The following PPP1R13L variants were observed in gnomAD, a reference collection of about 807,000 sequenced individuals.
PPP1R13L encodes the protein relA-associated inhibitor.
Under a neutral mutation model 80.9 loss-of-function variants are expected in PPP1R13L, and 50 were observed. That is an observed-to-expected ratio of 0.62 (90% confidence interval 0.49 to 0.78). The LOEUF (loss-of-function observed/expected upper bound fraction) is 0.78, where lower values mean the gene tolerates loss of function less well. PPP1R13L is among the 30% of genes least tolerant of loss of function. The pLI is 0.00. For missense variants in PPP1R13L, 1,200 were observed against 1,205.9 expected, an observed-to-expected ratio of 1.00 and a Z score of 0.07; for synonymous variants, 602 against 534.3, an observed-to-expected ratio of 1.13 and a Z score of -1.75.
chr19:45,385,655 T>C lies in PPP1R13L; in HGVS notation c.2155A>G (p.Ile719Val). The C allele has an allele frequency of 6.2e-7, 1 of 1,613,192 alleles. No homozygotes were observed. The highest frequency in any genetic ancestry group is 8.5e-7 in the Non-Finnish European group (1 of 1,179,908). ...CMALVQHGAA[I>V]FATTLSDGAT... The stretch of plus-strand genomic sequence containing the variant: ...CCGTCGCTGAGCGTGGTGGCGAAGA[T>C]TGCAGCGCCGTGCTGCACCAGCGCC... The change falls in exon 11 of 13, where the codon ATC (isoleucine) becomes GTC (valine). Residue 719 changes from isoleucine to valine, a missense_variant. Physicochemically the swap from Ile to Val is conservative, Grantham distance 29. This residue lies in a region of PPP1R13L where 165 missense variants were observed against 177.1 expected (regional missense o/e 0.93). Coordinates refer to ENST00000360957, the MANE Select transcript of PPP1R13L (RefSeq NM_006663.4).
chr19:45,396,608 C>A lies in PPP1R13L; in HGVS notation c.649G>T (p.Ala217Ser). Residue 217 changes from alanine to serine, a missense_variant, in exon 4 of 13, where the codon GCC (alanine) becomes TCC (serine). This residue lies in a region of PPP1R13L where 764 missense variants were observed against 714.5 expected (regional missense o/e 1.07). Transcript: ENST00000360957. This position sits in a 1 kb window ranked among gnomAD's most constrained non-coding sequence, Gnocchi z 5.3. ...GAGCCTAGCAGGGAGCTCCCGAAGG[C>A]GGACGCTGGCGCGTCGTAGGCTGTG... is the stretch of plus-strand genomic sequence containing the variant. The part of the protein sequence containing the change: ...PATAYDAPAS[A>S]FGSSLLGSGG... The A allele has an allele frequency of 6.7e-7, 1 of 1,493,984 alleles. No individual in the cohort carries two copies. The highest frequency in any genetic ancestry group is 2.3e-5 in the East Asian group (1 of 43,492). 92.5% of individuals were successfully genotyped at this position (1,493,984 alleles called of 1,614,324 possible).
At chr19:45,404,342 C>G (rs1228360459) in intron 1 of PPP1R13L, among the ~76,000 whole-genome samples, 3 of 152,210 alleles carry the variant, frequency 2.0e-5, no homozygotes, top group Non-Finnish European at 4.4e-5. Context: ...GGGCGGATGT[C>G]CCTTCTCTGG....
chr19:45,391,181 G>C (rs1281393647), intron 8 of PPP1R13L, among the ~76,000 whole-genome samples: 1 of 141,886 alleles, frequency 7.0e-6, no homozygotes, highest in Non-Finnish European at 1.5e-5. Flanking sequence ...CTGAGTGATG[G>C]AGCAAGACTC....
intron 1 of PPP1R13L, among the ~76,000 whole-genome samples, chr19:45,402,704 C>T (rs192410979): frequency 1.2e-4 from 19 of 152,344 alleles, no homozygotes; most frequent in Non-Finnish European, 2.5e-4. Flanking sequence ...TCCGAGTCCT[C>T]TCCCATGTGC....
intron 1 of PPP1R13L, among the ~76,000 whole-genome samples, chr19:45,400,766 T>TAAAAACA (rs1474568810): frequency 1.0e-3 from 36 of 34,974 alleles, no homozygotes; most frequent in African/African-American, 5.8e-3. Flanking sequence ...GCTAATTTTT[T>TAAAAACA]TTTTTTTTTT....
chr19:45,391,943 TG>T lies in PPP1R13L; in HGVS notation c.1751del (p.Pro584HisfsTer53). On this transcript the variant is annotated frameshift_variant, in exon 8 of 13. Coordinates refer to ENST00000360957, the MANE Select transcript of PPP1R13L (RefSeq NM_006663.4). LOFTEE classifies it high-confidence loss of function. The part of the protein sequence containing the change: ...EARAGPPAPA[P>X]PAPIPPPAPS... The stretch of plus-strand genomic sequence containing the variant: ...GGGCCGGGGGTGGAATGGGAGCTGG[TG>T]GGGCAGGAGCAGGGGGCCCTGCCCT... The T allele has an allele frequency of 6.6e-7, 1 of 1,504,232 alleles. No homozygotes were observed. The highest frequency in any genetic ancestry group is 8.9e-7 in the Non-Finnish European group (1 of 1,128,982). 93.2% of individuals were successfully genotyped at this position (1,504,232 alleles called of 1,614,324 possible).
At chr19:45,390,876 G>A (rs34768259) in intron 8 of PPP1R13L, among the ~76,000 whole-genome samples, 5,788 of 152,102 alleles carry the variant, frequency 0.038, 327 homozygotes, top group African/African-American at 0.12. Context: ...GAGCCACCGC[G>A]CCCGGCCGAG....
In PPP1R13L at chr19:45,397,811, C is replaced by T. The variant is rs77363466; in HGVS notation, c.198+194G>A. Among the ~76,000 whole-genome samples the T allele has an allele frequency of 0.021, 3,245 of 152,188 alleles. 106 individuals carry two copies. Among genetic ancestry groups the T allele is most frequent in the African/African-American group, 0.063 (2,614 of 41,524 alleles). ...CAAACTCTTAGTCTCAAGCAATTCT[C>T]TCACCTCGCCTTCCAAAGTGCTGGG... On this transcript the variant is annotated intron_variant, in intron 3 of 12. Transcript: ENST00000360957.
intron 8 of PPP1R13L, among the ~76,000 whole-genome samples, chr19:45,389,491 G>A (rs192775054): frequency 6.6e-6 from 1 of 152,242 alleles, no homozygotes; most frequent in East Asian, 1.9e-4. Context: ...TATGTGCCAG[G>A]TATTATGCTA....
rs1315306320 is a variant in PPP1R13L, at chr19:45,400,870, G to A, written c.-21-2531C>T. Among the ~76,000 whole-genome samples, 19 of 55,138 alleles carry A rather than the reference G, an allele frequency of 3.4e-4. 6 individuals are homozygous for A. Among genetic ancestry groups the A allele is most frequent in the African/African-American group, 3.1e-3 (18 of 5,752 alleles). The allele number at this position is 55,138 out of a possible 152,430, so 36.2% of individuals were successfully genotyped here. The stretch of plus-strand genomic sequence containing the variant: ...CGGCTCACTGCAAGCTCCGCCTCCC[G>A]GGTTCACGCCATTCTCCCGCCTCAG... On this transcript the variant is annotated intron_variant, in intron 1 of 12. Coordinates refer to ENST00000360957, the MANE Select transcript of PPP1R13L (RefSeq NM_006663.4).
chr19:45,384,737 C>G (rs1239863593), intron 11 of PPP1R13L, among the ~76,000 whole-genome samples: 3 of 151,462 alleles, frequency 2.0e-5, no homozygotes, highest in African/African-American at 7.3e-5. Flanking sequence ...ACCTGTAGTC[C>G]CAGCTACTCA....
chr19:45,395,407 G>C (rs1223886894), intron 7 of PPP1R13L, 29 bp downstream of exon 7: 1 of 1,567,386 alleles, frequency 6.4e-7, no homozygotes, highest in African/African-American at 1.4e-5. Flanking sequence ...CCTTCACCCA[G>C]TCCTCTAGGG....
In PPP1R13L at chr19:45,382,996, CT is replaced by C. The variant is rs60366714; in HGVS notation, c.2249-271del. ...TCAGAGGCTCCCATTTCTTTTCTTT[CT>C]TTTTTTTTTTTTTTTGAGACAGAGT... On this transcript the variant is annotated intron_variant, in intron 11 of 12. Coordinates refer to ENST00000360957, the MANE Select transcript of PPP1R13L (RefSeq NM_006663.4). Among the ~76,000 whole-genome samples the C allele has an allele frequency of 5.4e-3, 680 of 126,260 alleles. 9 individuals carry two copies. Among genetic ancestry groups the C allele is most frequent in the African/African-American group, 0.018 (574 of 31,842 alleles). 82.8% of individuals were successfully genotyped at this position (126,260 alleles called of 152,430 possible). A position where few individuals can be genotyped will look rare whatever the true frequency, so the allele number is the denominator to read the frequency against.
In PPP1R13L at chr19:45,401,330, C is replaced by G. The variant is rs181340200; in HGVS notation, c.-21-2991G>C. On this transcript the variant is annotated intron_variant, in intron 1 of 12. Coordinates refer to ENST00000360957, the MANE Select transcript of PPP1R13L (RefSeq NM_006663.4). The stretch of plus-strand genomic sequence containing the variant: ...AGATCGCGCCACTGCACTCCAGCCT[C>G]GGAGACAGAGCGAGACTCCGTCCCA... Among the ~76,000 whole-genome samples, 263 of 142,864 alleles carry G rather than the reference C, an allele frequency of 1.8e-3. 1 individual carries two copies. The highest frequency in any genetic ancestry group is 6.7e-3 in the African/African-American group (251 of 37,514). The allele number at this position is 142,864 out of a possible 152,430, so 93.7% of individuals were successfully genotyped here.
At chr19:45,388,698 T>C (rs1240411808) in intron 8 of PPP1R13L, among the ~76,000 whole-genome samples, 1 of 152,124 alleles carries the variant, frequency 6.6e-6, no homozygotes, top group Non-Finnish European at 1.5e-5. Context: ...CAGTCTATGA[T>C]ACTAACTTTA....
Position 45,385,940 on chromosome 19 carries a change from C to G in PPP1R13L, c.1965G>C (p.Gln655His). Reference protein sequence around the residue: ...QAVKEMNDPSQPNEEGITALH... With the variant: ...QAVKEMNDPSHPNEEGITALH... ...AGGCAGTGATGCCCTCCTCGTTGGG[C>G]TGGCTCGGGTCGTTCATCTGAGTGC... Residue 655 changes from glutamine (Q) to histidine (H), a missense_variant, in exon 10 of 13, where the codon CAG (glutamine) becomes CAC (histidine). Physicochemically the swap from Gln to His is conservative, Grantham distance 24. Transcript: ENST00000360957. 2 of 1,612,030 alleles carry G rather than the reference C, an allele frequency of 1.2e-6. No individual in the cohort carries two copies. The highest frequency in any genetic ancestry group is 2.2e-5 in the South Asian group (2 of 90,796).
intron 1 of PPP1R13L, among the ~76,000 whole-genome samples, chr19:45,401,172 T>A (rs1973225050): frequency 6.6e-6 from 1 of 150,772 alleles, no homozygotes; most frequent in African/African-American, 2.4e-5. Context: ...GCTAACACGG[T>A]GAAACCCTGT....
At chr19:45,391,675 G>A (rs966169603) in intron 8 of PPP1R13L, among the ~76,000 whole-genome samples, 4 of 152,182 alleles carry the variant, frequency 2.6e-5, no homozygotes, top group East Asian at 1.9e-4. Flanking sequence ...CTTACTCCCC[G>A]ATGGATGGCA....
chr19:45,393,893 CA>C (rs954762152), intron 7 of PPP1R13L, among the ~76,000 whole-genome samples: 5 of 151,962 alleles, frequency 3.3e-5, no homozygotes, highest in Admixed American at 6.6e-5. Context: ...AACTCTGTCT[CA>C]AAAATAAATA....
Sources: gnomAD v4.1 joint callset for allele counts (sites outside exome capture counted in the v4.1 genomes callset) on GRCh38, gnomAD v4.1.1 for gene constraint, gnomAD v4.1.1 regional missense constraint, Gnocchi (gnomAD v3.1) non-coding constraint, MANE v1.5 for transcripts, NCBI Gene and HGNC (gene_info 2026-07-23, HGNC 2026-07-21) for gene names.